Variants in LDLRAD3 observed in about 807,000 individuals in gnomAD.
LDLRAD3 encodes the protein low-density lipoprotein receptor class A domain-containing protein 3.
A neutral mutation model predicts 29.4 loss-of-function variants in LDLRAD3; 20 were observed. The observed-to-expected ratio is 0.68, with a 90% confidence interval of 0.48 to 0.99. LDLRAD3 has a LOEUF of 0.99. LDLRAD3 is among the 50% of genes least tolerant of loss of function. The pLI, the probability that LDLRAD3 is intolerant of heterozygous loss-of-function variation, is 0.00. For missense variants in LDLRAD3, 420 were observed against 454.3 expected (o/e 0.92, Z 0.69); for synonymous variants, 157 against 192.7 (o/e 0.81, Z 1.53).
intron 3 of LDLRAD3, among the ~76,000 whole-genome samples, chr11:36,097,333 G>A (rs574052236): frequency 1.1e-3 from 169 of 152,358 alleles, no homozygotes; most frequent in African/African-American, 4.0e-3. Flanking sequence ...CTACACGGCT[G>A]TGGGATCAGA....
chr11:36,189,847 C>A (rs907905693), intron 4 of LDLRAD3, among the ~76,000 whole-genome samples: 10 of 151,952 alleles, frequency 6.6e-5, no homozygotes, highest in Admixed American at 4.6e-4. Flanking sequence ...TTTGTTCTTG[C>A]GATAGTTTGC....
intron 4 of LDLRAD3, among the ~76,000 whole-genome samples, chr11:36,166,832 A>C (rs902624285): frequency 6.6e-6 from 1 of 152,152 alleles, no homozygotes; most frequent in Non-Finnish European, 1.5e-5. Context: ...GAGAGAATGC[A>C]TGTCTGTCAA....
At chr11:35,956,828 C>T (rs998487543) in intron 1 of LDLRAD3, among the ~76,000 whole-genome samples, 8 of 152,124 alleles carry the variant, frequency 5.3e-5, no homozygotes, top group Non-Finnish European at 7.4e-5. Flanking sequence ...CTCTGCCTCC[C>T]GGGTTCACAC....
intron 4 of LDLRAD3, among the ~76,000 whole-genome samples, chr11:36,189,826 G>A (rs776505012): frequency 6.6e-6 from 1 of 152,058 alleles, no homozygotes; most frequent in Non-Finnish European, 1.5e-5. Flanking sequence ...AGAACATGTG[G>A]TGTTTGGTTT....
intron 1 of LDLRAD3, among the ~76,000 whole-genome samples, chr11:35,953,416 A>G (rs1230118262): frequency 6.6e-6 from 1 of 152,218 alleles, no homozygotes; most frequent in Non-Finnish European, 1.5e-5. Context: ...GTTTGTTGGC[A>G]TAAAGAAATG....
At chr11:36,062,250 A>G (rs1852712500) in intron 2 of LDLRAD3, among the ~76,000 whole-genome samples, 1 of 152,230 alleles carries the variant, frequency 6.6e-6, no homozygotes, top group Admixed American at 6.5e-5. Flanking sequence ...CATATGATAT[A>G]GAATATAAAG....
At chr11:36,071,942 A>C (rs975271342) in intron 2 of LDLRAD3, among the ~76,000 whole-genome samples, 2 of 152,206 alleles carry the variant, frequency 1.3e-5, no homozygotes, top group African/African-American at 4.8e-5. Flanking sequence ...TGTCCACAGA[A>C]TACTTCCCCA....
At chr11:36,071,704 T>A (rs895872556) in intron 2 of LDLRAD3, among the ~76,000 whole-genome samples, 2 of 152,228 alleles carry the variant, frequency 1.3e-5, no homozygotes, top group Non-Finnish European at 2.9e-5. Flanking sequence ...TTGAGTAGTC[T>A]GTGTGCCTGG....
chr11:35,968,114 T>C (rs376366614), intron 1 of LDLRAD3: 1 of 446,988 alleles, frequency 2.2e-6, no homozygotes, highest in Non-Finnish European at 4.4e-6. Context: ...ATAGAACACA[T>C]GTCTCAGCAG....
At chr11:36,016,309 T>C (rs1181563364) in intron 1 of LDLRAD3, among the ~76,000 whole-genome samples, 1 of 152,258 alleles carries the variant, frequency 6.6e-6, no homozygotes, top group East Asian at 1.9e-4. Context: ...CTCCAAGTGA[T>C]TCCTTGTTCA....
chr11:36,096,455 C>T (rs1213762709), intron 3 of LDLRAD3, among the ~76,000 whole-genome samples: 1 of 152,160 alleles, frequency 6.6e-6, no homozygotes, highest in Admixed American at 6.5e-5. Flanking sequence ...AATATGGGTG[C>T]CAGCTCAGTT....
At chr11:35,990,692 A>G (rs1851678507) in intron 1 of LDLRAD3, among the ~76,000 whole-genome samples, 1 of 151,872 alleles carries the variant, frequency 6.6e-6, no homozygotes, top group Admixed American at 6.6e-5. Context: ...CTGGGATTAC[A>G]GGTGTAAGCC....
chr11:36,049,680 G>A (rs1241946809), intron 2 of LDLRAD3, among the ~76,000 whole-genome samples: 2 of 152,180 alleles, frequency 1.3e-5, no homozygotes, highest in African/African-American at 4.8e-5. Flanking sequence ...ATCAGTGATT[G>A]GAAGGCAAAG....
At chr11:36,209,546 G>A (rs1855255770) in intron 4 of LDLRAD3, among the ~76,000 whole-genome samples, 1 of 151,828 alleles carries the variant, frequency 6.6e-6, no homozygotes. Flanking sequence ...TTTTAGTAGA[G>A]ACAGGGTTTC....
At chr11:35,970,389 A>C (rs576361099) in intron 1 of LDLRAD3, among the ~76,000 whole-genome samples, 120 of 152,342 alleles carry the variant, frequency 7.9e-4, no homozygotes, top group Non-Finnish European at 1.3e-3. Context: ...ACACTGGAGC[A>C]TGTAGGTGCA....
At chr11:36,225,176 A>T (rs1330916482) in intron 4 of LDLRAD3, among the ~76,000 whole-genome samples, 2 of 152,196 alleles carry the variant, frequency 1.3e-5, no homozygotes, top group African/African-American at 4.8e-5. Flanking sequence ...CTGCTATTTC[A>T]TGGCTACATT....
rs531732408 is a variant in LDLRAD3, at chr11:36,003,463, G to C, written c.47-32640G>C. On this transcript the variant is annotated intron_variant, in intron 1 of 5. Transcript: ENST00000315571. Reference sequence around the variant, plus strand: ...GAGTGGACTTGGAGGGAAAGTGAGAGAATGTTGATAGGGTCTTACAGCAAA... The same window carrying C: ...GAGTGGACTTGGAGGGAAAGTGAGACAATGTTGATAGGGTCTTACAGCAAA... Among the ~76,000 whole-genome samples, 6 of 152,286 alleles carry C rather than the reference G, an allele frequency of 3.9e-5. No individual in the cohort carries two copies. The South Asian group carries it at 1.0e-3, about 26-fold the overall frequency.
At chr11:36,059,540 C>A (rs1852667977) in intron 2 of LDLRAD3, among the ~76,000 whole-genome samples, 2 of 152,074 alleles carry the variant, frequency 1.3e-5, no homozygotes, top group African/African-American at 4.8e-5. Flanking sequence ...CCCCACTCCA[C>A]AACCCTTCTT....
chr11:36,038,759 T>C (rs1185382040), intron 2 of LDLRAD3, among the ~76,000 whole-genome samples: 2 of 152,146 alleles, frequency 1.3e-5, no homozygotes, highest in Non-Finnish European at 2.9e-5. Context: ...AACCCCCAAG[T>C]GTGGTGGAGG....
Sources: allele counts gnomAD v4.1 joint callset (sites outside exome capture counted in the v4.1 genomes callset), GRCh38; gene constraint gnomAD v4.1.1; transcripts MANE v1.5; gene names NCBI Gene and HGNC (gene_info 2026-07-23, HGNC 2026-07-21).